KALRN: variants seen among roughly 807,000 people sequenced by gnomAD.
The protein encoded by KALRN is kalirin.
KALRN carries 70 observed loss-of-function variants against 353.7 expected under a neutral mutation model. The observed-to-expected ratio is 0.20, with a 90% CI of 0.16 to 0.24. The LOEUF is 0.24. Among genes scored for constraint, KALRN ranks in the 10% least tolerant of loss-of-function variants. The pLI, the probability that KALRN is intolerant of heterozygous loss-of-function variation, is 1.00. For missense variants in KALRN, 2,791 were observed against 3,756.7 expected (o/e 0.74, Z 6.72); for synonymous variants, 1,391 against 1,434.8 (o/e 0.97, Z 0.69).
chr3:124,495,977 A>G (rs1394519762), intron 32 of KALRN, among the ~76,000 whole-genome samples: 438 of 26,688 alleles, frequency 0.016, 56 homozygotes, highest in Middle Eastern at 0.035. Flanking sequence ...ATATATATAT[A>G]TATATATATA....
At chr3:124,553,656 T>A (rs1467231533) in intron 33 of KALRN, among the ~76,000 whole-genome samples, 5 of 152,248 alleles carry the variant, frequency 3.3e-5, no homozygotes, top group Non-Finnish European at 7.3e-5. Flanking sequence ...TTCAGAATCA[T>A]GTCTATGAGC....
intron 10 of KALRN, among the ~76,000 whole-genome samples, chr3:124,380,982 C>T (rs2087281830): frequency 6.6e-6 from 1 of 152,158 alleles, no homozygotes; most frequent in African/African-American, 2.4e-5. Context: ...TGGAGACTTA[C>T]TAGGTGCCAG....
In KALRN at chr3:124,642,806, G is replaced by GTTTTTTTTTTGTTGTTGTTTTT. The variant is rs1553707031; in HGVS notation, c.5664+5513_5664+5514insGTTGTTGTTTTTTTTTTTTTTT. 1.1e-3 allele frequency among the ~76,000 whole-genome samples: 105 copies of GTTTTTTTTTTGTTGTTGTTTTT among 96,806 alleles called. 10 individuals carry two copies. The highest frequency in any genetic ancestry group is 4.0e-3 in the African/African-American group (89 of 22,296). The allele number at this position is 96,806 out of a possible 152,430, so 63.5% of individuals were successfully genotyped here. A position where few individuals can be genotyped will look rare whatever the true frequency, so the allele number is the denominator to read the frequency against. ...TCTGTGGAAGAGATTCCCAAGCCTCGTTTTTTTTTTTTTTTTTTTTGAGAC... is the reference window on the plus strand; with the variant it reads ...TCTGTGGAAGAGATTCCCAAGCCTCGTTTTTTTTTTGTTGTTGTTTTTTTTTTTTTTTTTTTTTTTTTGAGAC... On this transcript the variant is annotated intron_variant, in intron 37 of 59. Transcript: ENST00000682506.
chr3:124,664,332 T>TGA (rs1329090356), intron 45 of KALRN, among the ~76,000 whole-genome samples: 18 of 123,640 alleles, frequency 1.5e-4, no homozygotes, highest in African/African-American at 3.9e-4. Flanking sequence ...GTTGTACATG[T>TGA]GAGTGTGTGT....
rs2087973693 is a variant in KALRN at position 124,384,922 on chromosome 3, G to A, written c.1848G>A (p.Glu616=). The change falls in exon 11 of 60, where the codon GAG becomes GAA. Residue 616 remains glutamate (E), a synonymous_variant. Coordinates refer to ENST00000682506, the MANE Select transcript of KALRN (RefSeq NM_001388419.1). Reference sequence around the variant, plus strand: ...AGACGGGGGAATGTGACCCCGAGGAGATCTACAAGGCAGCTCGACACCTGG... The same window carrying A: ...AGACGGGGGAATGTGACCCCGAGGAAATCTACAAGGCAGCTCGACACCTGG... The part of the protein sequence containing the change: ...LAQTGECDPE[E]IYKAARHLEV... The A allele has an allele frequency of 6.2e-7, 1 of 1,614,096 alleles. No homozygotes were observed. Among genetic ancestry groups the A allele is most frequent in the Non-Finnish European group, 8.5e-7 (1 of 1,179,980 alleles).
At chr3:124,586,830 G>C (rs1438514206) in intron 34 of KALRN, among the ~76,000 whole-genome samples, 1 of 152,146 alleles carries the variant, frequency 6.6e-6, no homozygotes, top group Non-Finnish European at 1.5e-5. Flanking sequence ...ATCAGAGGAC[G>C]ATGGTGGGGG....
chr3:124,285,179 T>G (rs1350238507), intron 5 of KALRN, among the ~76,000 whole-genome samples: 1 of 152,220 alleles, frequency 6.6e-6, no homozygotes, highest in Admixed American at 6.5e-5. Flanking sequence ...GAAATTAGTA[T>G]GACTGGTTTG....
At chr3:124,374,070 G>A (rs507504) in intron 10 of KALRN, among the ~76,000 whole-genome samples, 59,446 of 152,014 alleles carry the variant, frequency 0.39, 12,450 homozygotes, top group East Asian at 0.74. Flanking sequence ...TCCCAATGTG[G>A]TTGTATTATG....
chr3:124,437,993 AT>A (rs1294015586), intron 17 of KALRN, among the ~76,000 whole-genome samples: 1 of 152,090 alleles, frequency 6.6e-6, no homozygotes, highest in Admixed American at 6.6e-5. Flanking sequence ...TATTTGTATT[AT>A]TTTTTATTGC....
chr3:124,039,661 T>C lies in KALRN; in HGVS notation c.73+5848T>C, dbSNP rs536111084. On this transcript the variant is annotated intron_variant, in intron 1 of 59. Transcript: ENST00000682506. ...AGGGAGATTTGGGAATAACAATCTA[T>C]GTTGGTATGCAATTCCTTGAGTAAA... Among the ~76,000 whole-genome samples, 666 of 152,372 alleles carry C rather than the reference T, an allele frequency of 4.4e-3. 3 individuals carry two copies. Among genetic ancestry groups the C allele is most frequent in the Non-Finnish European group, 7.1e-3 (483 of 68,032 alleles).
rs2062247580 is a variant in KALRN, at chr3:124,105,794, A to G, written c.73+71981A>G. Among the ~76,000 whole-genome samples the G allele has an allele frequency of 3.3e-5, 5 of 152,336 alleles. No individual in the cohort carries two copies. The South Asian group carries it at 1.0e-3, about 32-fold the overall frequency. ...ATGTCAGAAAATGAAAGGTAAAAAT[A>G]GAATGGTGGTTGGTGGGACATTAGG... On this transcript the variant is annotated intron_variant, in intron 1 of 59. Coordinates refer to ENST00000682506, the MANE Select transcript of KALRN (RefSeq NM_001388419.1).
chr3:124,412,301 G>A lies in KALRN; in HGVS notation c.2347-1169G>A, dbSNP rs1312942557. Among the ~76,000 whole-genome samples, 2 of 152,142 alleles carry A rather than the reference G, an allele frequency of 1.3e-5. 1 individual carries two copies. Among genetic ancestry groups the A allele is most frequent in the African/African-American group, 4.8e-5 (2 of 41,420 alleles). ...CATGTGGGAGCTGGCATGAGACCCA[G>A]CATCATGAAAACCACTCAACTAAGG... On this transcript the variant is annotated intron_variant, in intron 13 of 59. Transcript: ENST00000682506.
intron 1 of KALRN, among the ~76,000 whole-genome samples, chr3:124,198,195 A>C (rs937300958): frequency 1.3e-5 from 2 of 152,210 alleles, no homozygotes; most frequent in African/African-American, 2.4e-5. Flanking sequence ...CCTAGAGGTC[A>C]TCTAACCTTG....
intron 10 of KALRN, among the ~76,000 whole-genome samples, chr3:124,377,288 T>C (rs1224751495): frequency 6.6e-6 from 1 of 152,230 alleles, no homozygotes; most frequent in East Asian, 1.9e-4. Flanking sequence ...GGTTAACTGA[T>C]GCCACCTTCT....
At chr3:124,191,964 G>A (rs185640468) in intron 1 of KALRN, among the ~76,000 whole-genome samples, 1 of 152,222 alleles carries the variant, frequency 6.6e-6, no homozygotes, top group Non-Finnish European at 1.5e-5. Flanking sequence ...CTAGGTCTGG[G>A]CAGATCAAAC....
chr3:124,619,679 G>T (rs333315), intron 34 of KALRN, among the ~76,000 whole-genome samples: 1 of 151,834 alleles, frequency 6.6e-6, no homozygotes, highest in South Asian at 2.1e-4. Flanking sequence ...TAGAGACAGG[G>T]TCTCACCATG....
chr3:124,252,805 G>A (rs997991439), intron 3 of KALRN, among the ~76,000 whole-genome samples: 7 of 152,210 alleles, frequency 4.6e-5, no homozygotes, highest in Non-Finnish European at 7.3e-5. Flanking sequence ...AGCGGAGAGA[G>A]CGCATGAGCA....
chr3:124,445,069 G>T (rs79231192), intron 19 of KALRN, among the ~76,000 whole-genome samples: 1 of 152,058 alleles, frequency 6.6e-6, no homozygotes, highest in African/African-American at 2.4e-5. Context: ...AACAACTCAG[G>T]CTCTGAAGTC....
At chr3:124,082,192 T>C in intron 1 of KALRN, 1 of 461,456 alleles carries the variant, frequency 2.2e-6, no homozygotes, top group South Asian at 1.6e-5. Flanking sequence ...ATTGCCCTTC[T>C]GTAGGTAGCC....
Sources: allele counts gnomAD v4.1 joint callset (sites outside exome capture counted in the v4.1 genomes callset), GRCh38; gene constraint gnomAD v4.1.1; transcripts MANE v1.5; gene names NCBI Gene and HGNC (gene_info 2026-07-23, HGNC 2026-07-21).